Variants in AFM observed in about 807,000 individuals in gnomAD.
AFM encodes afamin.
A neutral mutation model predicts 68.7 loss-of-function variants in AFM; 82 were observed. The observed-to-expected ratio is 1.19, with a 90% CI of 1.00 to 1.43. The LOEUF (loss-of-function observed/expected upper bound fraction) is 1.43, where lower values mean the gene tolerates loss of function less well. Among genes scored for constraint, AFM ranks in the 40% most tolerant of loss-of-function variants. The pLI is 0.00. For synonymous variants in AFM, 250 were observed against 234.2 expected (o/e 1.07, Z -0.61); for missense variants, 772 against 701.8 (o/e 1.10, Z -1.13).
chr4:73,485,753 G>A lies in AFM; in HGVS notation c.271-109G>A. 4 of 795,286 alleles carry A rather than the reference G, an allele frequency of 5.0e-6. No homozygotes were observed. The South Asian group carries it at 5.3e-5, about 11-fold the overall frequency. The allele number at this position is 795,286 out of a possible 1,614,324, so 49.3% of individuals were successfully genotyped here. Reference sequence around the variant, plus strand: ...AAGGAGAGGAGTAGGAGAAAGAGAAGGAGCTCTGTTGGTAATGGTGGGAAA... The same window carrying A: ...AAGGAGAGGAGTAGGAGAAAGAGAAAGAGCTCTGTTGGTAATGGTGGGAAA... On this transcript the variant is annotated intron_variant, in intron 3 of 14. Transcript: ENST00000226355.
intron 1 of AFM, 59 bp downstream of exon 1, chr4:73,481,922 T>A (rs1720726618): frequency 7.9e-7 from 1 of 1,266,308 alleles, no homozygotes; most frequent in Non-Finnish European, 1.1e-6. Context: ...TTTCTATTTT[T>A]AAAATTTTGT....
chr4:73,486,420 A>G (rs1243186075), intron 4 of AFM, among the ~76,000 whole-genome samples: 11 of 152,204 alleles, frequency 7.2e-5, no homozygotes, highest in Admixed American at 6.5e-4. Context: ...GCAGACATTC[A>G]ATTACAGGAT....
At chr4:73,488,569 A>G in intron 6 of AFM, 61 bp from the exon 7 acceptor site, 2 of 1,461,040 alleles carry the variant, frequency 1.4e-6, no homozygotes, top group Non-Finnish European at 1.9e-6. Context: ...TTAGCAAATT[A>G]CTCCCACTTG....
At chr4:73,495,271 TCTAA>T (rs759029604) in intron 8 of AFM, 25 bp from the exon 9 acceptor site, 3 of 1,551,102 alleles carry the variant, frequency 1.9e-6, no homozygotes, top group Non-Finnish European at 1.7e-6. Context: ...TTCTCTAATT[TCTAA>T]TATACAAAAT....
intron 4 of AFM, 39 bp downstream of exon 4, chr4:73,486,112 ATTAGTC>A (rs772478682): frequency 6.5e-7 from 1 of 1,530,206 alleles, no homozygotes; most frequent in Non-Finnish European, 9.0e-7. Context: ...CAGTTGAAGA[ATTAGTC>A]TTAGGCTGAA....
At position 73,495,411 on chromosome 4, in the gene AFM, TC is replaced by T. The variant is rs767029400; in HGVS notation, c.1172del (p.Pro391GlnfsTer37). ...LRNCCNTENP[P>X]GCYRYAEDKF... ...GAAATTGCTGCAACACAGAAAACCC[TC>T]CAGGTTGTTACCGTTACGCGGTAGG... On this transcript the variant is annotated frameshift_variant, in exon 9 of 15. Coordinates refer to ENST00000226355, the MANE Select transcript of AFM (RefSeq NM_001133.2). LOFTEE classifies it high-confidence loss of function. The T allele has an allele frequency of 8.1e-6, 13 of 1,611,734 alleles. No individual in the cohort carries two copies. Among genetic ancestry groups the T allele is most frequent in the Non-Finnish European group, 1.1e-5 (13 of 1,179,416 alleles).
intron 2 of AFM, 63 bp from the exon 3 acceptor site, chr4:73,484,195 T>C (rs1720790692): frequency 1.4e-5 from 21 of 1,533,596 alleles, no homozygotes; most frequent in Non-Finnish European, 1.7e-5. Context: ...CCTGTGACTT[T>C]TTCTTGACCA....
chr4:73,488,562 G>A (rs1054814942), intron 6 of AFM, 68 bp from the exon 7 acceptor site: 21 of 1,419,830 alleles, frequency 1.5e-5, no homozygotes, highest in Admixed American at 2.1e-5. Flanking sequence ...TATCATATTA[G>A]CAAATTACTC....
intron 8 of AFM, among the ~76,000 whole-genome samples, chr4:73,493,227 T>A (rs1721132616): frequency 6.6e-6 from 1 of 152,158 alleles, no homozygotes; most frequent in African/African-American, 2.4e-5. Flanking sequence ...GCATGCTAAG[T>A]AATGGGATGC....
chr4:73,484,230 T>G, intron 2 of AFM, 28 bp from the exon 3 acceptor site: 1 of 1,585,986 alleles, frequency 6.3e-7, no homozygotes, highest in Non-Finnish European at 8.5e-7. Flanking sequence ...GCAACTGATC[T>G]TTGTATACCC....
At chr4:73,493,756 C>G (rs1291231895) in intron 8 of AFM, among the ~76,000 whole-genome samples, 1 of 152,200 alleles carries the variant, frequency 6.6e-6, no homozygotes, top group Non-Finnish European at 1.5e-5. Context: ...CTACTGTCCT[C>G]TACGGCTTCT....
intron 8 of AFM, among the ~76,000 whole-genome samples, chr4:73,493,425 G>A (rs1279198824): frequency 6.6e-6 from 1 of 152,132 alleles, no homozygotes; most frequent in Non-Finnish European, 1.5e-5. Flanking sequence ...TGACTTTGAG[G>A]TACCAGTAGA....
In AFM at chr4:73,488,648, T is replaced by C. The variant is rs746849681; in HGVS notation, c.732T>C (p.Ser244=). 11 of 1,611,072 alleles carry C rather than the reference T, an allele frequency of 6.8e-6. No individual in the cohort carries two copies. Among genetic ancestry groups the C allele is most frequent in the Non-Finnish European group, 9.3e-6 (11 of 1,178,816 alleles). Residue 244 remains serine (S), a synonymous_variant, in exon 7 of 15, where the codon AGT becomes AGC. Coordinates refer to ENST00000226355, the MANE Select transcript of AFM (RefSeq NM_001133.2). ...VVHFIYIAIL[S]QKFPKIEFKE... Reference sequence around the variant, plus strand: ...TTTCCAGATATATTGCGATACTCAGTCAAAAATTCCCCAAGATTGAATTTA... The same window carrying C: ...TTTCCAGATATATTGCGATACTCAGCCAAAAATTCCCCAAGATTGAATTTA...
chr4:73,487,657 G>T (rs113275089), intron 5 of AFM, 67 bp from the exon 6 acceptor site: 1 of 1,088,340 alleles, frequency 9.2e-7, no homozygotes. Context: ...AATGAAATAT[G>T]ACTAAAAAAT....
intron 8 of AFM, 150 bp downstream of exon 8, chr4:73,492,236 G>T: frequency 3.0e-6 from 2 of 661,904 alleles, no homozygotes; most frequent in African/African-American, 1.9e-5. Context: ...ATAGAGTGTA[G>T]TTTTCACACA....
intron 10 of AFM, among the ~76,000 whole-genome samples, chr4:73,498,013 A>C (rs1721305180): frequency 6.6e-6 from 1 of 152,204 alleles, no homozygotes; most frequent in African/African-American, 2.4e-5. Context: ...TGGCTTTCTC[A>C]CTGCCAATCT....
At chr4:73,487,920 G>GGTACTAGGAAGAA in intron 6 of AFM, 99 bp downstream of exon 6, 1 of 787,866 alleles carries the variant, frequency 1.3e-6, no homozygotes, top group Non-Finnish European at 2.1e-6. Flanking sequence ...ATTCTTCCTA[G>GGTACTAGGAAGAA]TACCTAGGGG....
chr4:73,486,733 C>A (rs2149343360), intron 4 of AFM, among the ~76,000 whole-genome samples: 1 of 152,292 alleles, frequency 6.6e-6, no homozygotes, highest in Middle Eastern at 3.4e-3. Flanking sequence ...ATAAGGACTT[C>A]AAAGGACTCT....
chr4:73,493,726 C>T (rs910323861), intron 8 of AFM, among the ~76,000 whole-genome samples: 2 of 152,184 alleles, frequency 1.3e-5, no homozygotes, highest in Non-Finnish European at 2.9e-5. Flanking sequence ...CAGTGTGGCT[C>T]CAAACTCCTA....
Sources: gnomAD v4.1 joint callset for allele counts (sites outside exome capture counted in the v4.1 genomes callset) on GRCh38, gnomAD v4.1.1 for gene constraint, MANE v1.5 for transcripts, NCBI Gene and HGNC (gene_info 2026-07-23, HGNC 2026-07-21) for gene names.